Variants in THSD7B observed in about 807,000 individuals in gnomAD.
THSD7B encodes the protein thrombospondin type 1 domain containing 7B, also known as thrombospondin type-1 domain-containing protein 7B.
A neutral mutation model predicts 213.6 loss-of-function variants in THSD7B; 138 were observed. That is an observed-to-expected ratio of 0.65 (90% confidence interval 0.56 to 0.74). The LOEUF is 0.74. THSD7B is among the 30% of genes least tolerant of loss of function. The probability of loss-of-function intolerance (pLI) is 0.00; values close to 1 mark genes in which losing one functional copy is unlikely to be tolerated. For synonymous variants in THSD7B, 742 were observed against 687.0 expected, an observed-to-expected ratio of 1.08 and a Z score of -1.25; for missense variants, 1,931 against 1,991.5, an observed-to-expected ratio of 0.97 and a Z score of 0.58.
chr2:137,327,694 C>T (rs1159088907), intron 12 of THSD7B, among the ~76,000 whole-genome samples: 1 of 152,092 alleles, frequency 6.6e-6, no homozygotes, highest in Non-Finnish European at 1.5e-5. Flanking sequence ...TTTTAGGTAG[C>T]TCCGACTTTG....
chr2:137,297,686 G>A (rs960684260), intron 12 of THSD7B, among the ~76,000 whole-genome samples: 2 of 152,074 alleles, frequency 1.3e-5, no homozygotes, highest in African/African-American at 2.4e-5. Context: ...ATTGAATCAT[G>A]GGGGACAGTC....
At chr2:137,111,617 C>G (rs192621251) in intron 4 of THSD7B, among the ~76,000 whole-genome samples, 7 of 152,102 alleles carry the variant, frequency 4.6e-5, no homozygotes, top group African/African-American at 7.2e-5. Flanking sequence ...TTCATTAGTG[C>G]GGTGCCTGGT....
chr2:137,255,138 A>C (rs1038327987), intron 10 of THSD7B, among the ~76,000 whole-genome samples: 1 of 152,160 alleles, frequency 6.6e-6, no homozygotes, highest in Non-Finnish European at 1.5e-5. Context: ...ATCTTTTCCC[A>C]AACTATCTTT....
At chr2:137,295,951 A>G (rs1683453105) in intron 12 of THSD7B, among the ~76,000 whole-genome samples, 1 of 152,032 alleles carries the variant, frequency 6.6e-6, no homozygotes, top group Non-Finnish European at 1.5e-5. Flanking sequence ...TCTTTCACTC[A>G]CAGAGGATTG....
At chr2:137,352,502 T>TTTCC (rs1455365164) in intron 12 of THSD7B, among the ~76,000 whole-genome samples, 1 of 152,042 alleles carries the variant, frequency 6.6e-6, no homozygotes, top group East Asian at 1.9e-4. Context: ...CTCCTGGCCT[T>TTTCC]ATAGACTCTT....
chr2:137,076,945 A>C (rs952662019), intron 3 of THSD7B, among the ~76,000 whole-genome samples: 1 of 151,362 alleles, frequency 6.6e-6, no homozygotes, highest in African/African-American at 2.4e-5. Context: ...ATTTAACATT[A>C]GGTATATCTC....
At position 137,178,126 on chromosome 2, in the gene THSD7B, T is replaced by G. The variant is rs148764437; in HGVS notation, c.1723+7188T>G. Among the ~76,000 whole-genome samples, 457 of 151,698 alleles carry G rather than the reference T, an allele frequency of 3.0e-3. 3 individuals carry two copies. The highest frequency in any genetic ancestry group is 0.011 in the African/African-American group (437 of 41,376). On this transcript the variant is annotated intron_variant, in intron 7 of 27. Transcript: ENST00000409968. ...ATTGGTCCTAATCTTGTTTCTTGTT[T>G]CCTGCTGCAGAAGTTATTCTTGAAA...
chr2:137,300,159 G>A (rs1431607075), intron 12 of THSD7B, among the ~76,000 whole-genome samples: 1 of 152,140 alleles, frequency 6.6e-6, no homozygotes, highest in East Asian at 1.9e-4. Flanking sequence ...ATTATACTTA[G>A]CATTTATAAA....
chr2:137,671,257 A>T (rs1189146268), intron 27 of THSD7B, among the ~76,000 whole-genome samples: 2 of 151,614 alleles, frequency 1.3e-5, no homozygotes, highest in Non-Finnish European at 2.9e-5. Flanking sequence ...TAAAAAAAAA[A>T]AAAAAGCTTG....
chr2:137,483,201 C>T (rs910051723), intron 15 of THSD7B, among the ~76,000 whole-genome samples: 1 of 152,216 alleles, frequency 6.6e-6, no homozygotes, highest in South Asian at 2.1e-4. Flanking sequence ...AAACTAATGA[C>T]CAGAATGTTC....
intron 21 of THSD7B, among the ~76,000 whole-genome samples, chr2:137,646,818 T>C (rs796831162): frequency 4.6e-5 from 7 of 152,208 alleles, no homozygotes; most frequent in African/African-American, 1.7e-4. Flanking sequence ...CTATCTTAGA[T>C]AAATAAATCA....
intron 2 of THSD7B, among the ~76,000 whole-genome samples, chr2:136,894,770 T>A (rs1683924355): frequency 6.6e-6 from 1 of 152,232 alleles, no homozygotes; most frequent in South Asian, 2.1e-4. Flanking sequence ...CCATTAGGTA[T>A]TCCTTTTCTG....
chr2:136,839,382 C>T (rs1279637763), intron 1 of THSD7B, among the ~76,000 whole-genome samples: 1 of 152,224 alleles, frequency 6.6e-6, no homozygotes, highest in African/African-American at 2.4e-5. Flanking sequence ...ATCCTCAATA[C>T]ACTATGGCTT....
intron 5 of THSD7B, among the ~76,000 whole-genome samples, chr2:137,143,176 C>T (rs994772708): frequency 1.6e-4 from 25 of 152,120 alleles, no homozygotes; most frequent in Non-Finnish European, 5.9e-5. Context: ...AATTTCTCAA[C>T]ACGTGCCTGA....
chr2:137,431,782 A>C (rs1439891883), intron 14 of THSD7B, among the ~76,000 whole-genome samples: 1 of 152,190 alleles, frequency 6.6e-6, no homozygotes, highest in Non-Finnish European at 1.5e-5. Flanking sequence ...CAACTAAAAT[A>C]TTTTATTGAA....
At chr2:136,963,154 C>T (rs1001133783) in intron 2 of THSD7B, among the ~76,000 whole-genome samples, 1 of 152,134 alleles carries the variant, frequency 6.6e-6, no homozygotes, top group Non-Finnish European at 1.5e-5. Flanking sequence ...TTTCCTGGCC[C>T]AACTCTCTGA....
intron 2 of THSD7B, among the ~76,000 whole-genome samples, chr2:136,944,270 T>G (rs563806938): frequency 6.6e-6 from 1 of 152,344 alleles, no homozygotes; most frequent in South Asian, 2.1e-4. Flanking sequence ...TTTCTGTTCT[T>G]TCACATTTGC....
At chr2:137,657,263 G>A (rs1683254937) in intron 24 of THSD7B, 103 bp downstream of exon 24, 1 of 1,063,724 alleles carries the variant, frequency 9.4e-7, no homozygotes. Context: ...GGTGACTTGG[G>A]CAGGTAGCTT....
In THSD7B at chr2:137,595,862, A is replaced by C. The variant is rs562733510; in HGVS notation, c.3424-20313A>C. Among the ~76,000 whole-genome samples, 4 of 152,086 alleles carry C rather than the reference A, an allele frequency of 2.6e-5. No individual in the cohort carries two copies. The East Asian group carries it at 7.7e-4, about 29-fold the overall frequency. On this transcript the variant is annotated intron_variant, in intron 17 of 27. Transcript: ENST00000409968. ...AAGTGAAGGTTATAACTATATACCT[A>C]TTTAATATTGTAATTCAAATCATTA...
Sources: allele counts gnomAD v4.1 joint callset (sites outside exome capture counted in the v4.1 genomes callset), GRCh38; gene constraint gnomAD v4.1.1; transcripts MANE v1.5; gene names NCBI Gene and HGNC (gene_info 2026-07-23, HGNC 2026-07-21).